RSPH3: variants seen among roughly 807,000 people sequenced by gnomAD.
The protein encoded by RSPH3 is radial spoke head 3.
Under a neutral mutation model 43.8 loss-of-function variants are expected in RSPH3, and 21 were observed. The ratio of observed to expected loss-of-function variants is 0.48; its 90% confidence interval spans 0.34 to 0.69. RSPH3 has a LOEUF of 0.69. Among genes scored for constraint, RSPH3 ranks in the 30% least tolerant of loss-of-function variants. RSPH3 has a pLI of 0.01. For synonymous variants in RSPH3, 173 were observed against 179.8 expected, an observed-to-expected ratio of 0.96 and a Z score of 0.30; for missense variants, 487 against 516.0, an observed-to-expected ratio of 0.94 and a Z score of 0.54.
At chr6:158,991,284 T>C (rs1185237388) in intron 2 of RSPH3, among the ~76,000 whole-genome samples, 2 of 152,238 alleles carry the variant, frequency 1.3e-5, no homozygotes, top group Admixed American at 6.5e-5. Context: ...TTTTTGTTTG[T>C]ATCCTGGCTA....
rs1009950426 is a variant in RSPH3 at position 158,975,215 on chromosome 6, A to G, written c.*2323T>C. On this transcript the variant is annotated 3_prime_UTR_variant, in exon 8 of 8. Transcript: ENST00000367069. Reference sequence around the variant, plus strand: ...ACAATAATAATCAGCAATAGCCCTAATTAAAAATTTTTGGTCTTCTTGCCA... The same window carrying G: ...ACAATAATAATCAGCAATAGCCCTAGTTAAAAATTTTTGGTCTTCTTGCCA... 5.9e-5 allele frequency: 9 copies of G among 152,208 alleles called. No individual in the cohort carries two copies. The highest frequency in any genetic ancestry group is 5.2e-4 in the Admixed American group (8 of 15,284). The allele number at this position is 152,208 out of a possible 1,614,324, so 9.4% of individuals were successfully genotyped here.
At position 158,975,744 on chromosome 6, in the gene RSPH3, A is replaced by G. The variant is rs920665970; in HGVS notation, c.*1794T>C. ...GGCCTAAGTGTTATAGTGAAATACT[A>G]TATGGGAAAATGGGTGCATTCTTTT... On this transcript the variant is annotated 3_prime_UTR_variant, in exon 8 of 8. Transcript: ENST00000367069. The G allele has an allele frequency of 3.9e-5, 6 of 152,232 alleles. No individual in the cohort carries two copies. Among genetic ancestry groups the G allele is most frequent in the African/African-American group, 1.4e-4 (6 of 41,460 alleles). 9.4% of individuals were successfully genotyped at this position (152,232 alleles called of 1,614,324 possible). A position where few individuals can be genotyped will look rare whatever the true frequency, so the allele number is the denominator to read the frequency against.
rs773828163 is a variant in RSPH3 at position 158,986,294 on chromosome 6, A to C, written c.332T>G (p.Val111Gly). 1 of 1,613,910 alleles carries C rather than the reference A, an allele frequency of 6.2e-7. No individual in the cohort carries two copies. Among genetic ancestry groups the C allele is most frequent in the African/African-American group, 1.3e-5 (1 of 74,926 alleles). Residue 111 changes from valine (V) to glycine (G), a missense_variant, in exon 3 of 8, where the codon GTC becomes GGC. By Grantham distance (109) the Val-to-Gly change is moderately radical. Coordinates refer to ENST00000367069, the MANE Select transcript of RSPH3 (RefSeq NM_031924.8). ...TPEPVEGRKH[V>G]DVQTELYLEE... The stretch of plus-strand genomic sequence containing the variant: ...CAGTCACACACCTGTTTGCACATCG[A>C]CATGCTTTCTGCCTTCCACAGGTTC...
intron 2 of RSPH3, among the ~76,000 whole-genome samples, chr6:158,993,015 T>C (rs1322945422): frequency 1.3e-5 from 2 of 152,216 alleles, no homozygotes; most frequent in African/African-American, 4.8e-5. Flanking sequence ...CTGGCTAGTG[T>C]CTATAAACTA....
At chr6:158,980,618 TCATTAA>T (rs1332738106) in intron 6 of RSPH3, among the ~76,000 whole-genome samples, 150 bp downstream of exon 6, 2 of 152,158 alleles carry the variant, frequency 1.3e-5, no homozygotes, top group Non-Finnish European at 2.9e-5. Context: ...AATATACATC[TCATTAA>T]CAACTGTACT....
Position 158,999,770 on chromosome 6 carries a change from G to A in RSPH3, c.-220C>T. On this transcript the variant is annotated 5_prime_UTR_variant, in exon 1 of 8. Coordinates refer to ENST00000367069, the MANE Select transcript of RSPH3 (RefSeq NM_031924.8). ...TCCCAGCACCACAGAGACCAGCTGC[G>A]GGGGCCGCATCGGTTGCCCAGCAAC... 6.2e-7 allele frequency: 1 copy of A among 1,610,970 alleles called. No homozygotes were observed. The highest frequency in any genetic ancestry group is 8.5e-7 in the Non-Finnish European group (1 of 1,177,868).
At chr6:158,963,404 C>CTCCCCCCTCCT in the RSPH3 span, among the ~76,000 whole-genome samples, 1 of 113,838 alleles carries the variant, frequency 8.8e-6, no homozygotes, top group African/African-American at 3.3e-5. Context: ...CCCTCCCTCC[C>CTCCCCCCTCCT]TCCCCCCTCC....
chr6:158,983,853 GC>G, intron 3 of RSPH3, 46 bp from the exon 4 acceptor site: 1 of 1,388,728 alleles, frequency 7.2e-7, no homozygotes, highest in Non-Finnish European at 1.0e-6. Flanking sequence ...CTGGTCTAAG[GC>G]CAGGCATGGT....
intron 5 of RSPH3, 139 bp downstream of exon 5, chr6:158,982,346 G>C: frequency 1.7e-6 from 1 of 579,862 alleles, no homozygotes; most frequent in Non-Finnish European, 2.9e-6. Flanking sequence ...GGAGAGACTT[G>C]AGCAAAAATA....
In RSPH3 at chr6:158,999,956, C is replaced by T. The variant is rs376047207; in HGVS notation, c.-406G>A. Reference sequence around the variant, plus strand: ...CGAGGTTCCTGGCTAGGGAGGCGGCCTTGGCTGGCTTGACCGTCATCCTTG... The same window carrying T: ...CGAGGTTCCTGGCTAGGGAGGCGGCTTTGGCTGGCTTGACCGTCATCCTTG... On this transcript the variant is annotated 5_prime_UTR_variant, in exon 1 of 8. Coordinates refer to ENST00000367069, the MANE Select transcript of RSPH3 (RefSeq NM_031924.8). The T allele has an allele frequency of 1.9e-6, 3 of 1,599,622 alleles. No homozygotes were observed. The highest frequency in any genetic ancestry group is 1.3e-5 in the African/African-American group (1 of 74,764).
In RSPH3 at chr6:158,978,284, T is replaced by C. The variant is rs1562558175; in HGVS notation, c.922A>G (p.Met308Val). 2.5e-6 allele frequency: 4 copies of C among 1,583,400 alleles called. No individual in the cohort carries two copies. The highest frequency in any genetic ancestry group is 3.5e-6 in the Non-Finnish European group (4 of 1,153,540). Reference protein sequence around the residue: ...NEVEKTMEYSMVGRTVLDMLI... With the variant: ...NEVEKTMEYSVVGRTVLDMLI... ...CTGTCAAGCACTGTTCTTCCCACCA[T>C]GCTATATTCCATGGTTTTTTCAACT... The change falls in exon 7 of 8, where the codon ATG (methionine) becomes GTG (valine). Residue 308 changes from methionine (M) to valine (V), a missense_variant. Physicochemically the swap from Met to Val is conservative, Grantham distance 21. Transcript: ENST00000367069.
the RSPH3 span, among the ~76,000 whole-genome samples, chr6:158,963,473 CTCCCT>C: frequency 1.0e-3 from 128 of 124,880 alleles, no homozygotes; most frequent in Middle Eastern, 4.8e-3. Context: ...CTCCCCTCCT[CTCCCT>C]TCCCTTCCCT....
At chr6:158,993,690 G>T in intron 2 of RSPH3, 149 bp downstream of exon 2, 1 of 510,522 alleles carries the variant, frequency 2.0e-6, no homozygotes, top group Non-Finnish European at 3.4e-6. Context: ...CTATTTGTAT[G>T]TCTTTTTAAA....
intron 2 of RSPH3, among the ~76,000 whole-genome samples, chr6:158,993,452 A>C (rs1209270863): frequency 7.4e-6 from 1 of 134,824 alleles, no homozygotes; most frequent in East Asian, 2.1e-4. Context: ...TTTTTTAGCT[A>C]ATTCTTTTTT....
At chr6:158,969,214 T>G (rs74517735), downstream of RSPH3, among the ~76,000 whole-genome samples, 2,708 of 152,276 alleles carry the variant, frequency 0.018, 34 homozygotes, top group Middle Eastern at 0.024. Context: ...AATGACAAGT[T>G]CTCTCAGTTT....
At chr6:158,963,170 C>A in the RSPH3 span, among the ~76,000 whole-genome samples, 1 of 152,096 alleles carries the variant, frequency 6.6e-6, no homozygotes, top group African/African-American at 2.4e-5. Flanking sequence ...TTCATCATCC[C>A]AATTTTATGG....
intron 1 of RSPH3, among the ~76,000 whole-genome samples, chr6:158,996,938 C>A (rs1188166158): frequency 6.6e-6 from 1 of 152,118 alleles, no homozygotes; most frequent in Non-Finnish European, 1.5e-5. Flanking sequence ...TGGCTTGGCA[C>A]CAGTTCTCGC....
At chr6:158,988,865 A>G (rs1778315874) in intron 2 of RSPH3, among the ~76,000 whole-genome samples, 1 of 152,030 alleles carries the variant, frequency 6.6e-6, no homozygotes, top group African/African-American at 2.4e-5. Flanking sequence ...AAGAGCTCAC[A>G]TCCTGCCATC....
chr6:158,970,828 G>C (rs555814742), downstream of RSPH3, among the ~76,000 whole-genome samples: 105 of 152,316 alleles, frequency 6.9e-4, no homozygotes, highest in African/African-American at 2.5e-3. Context: ...TGGGATTACA[G>C]GCGTGAGAAA....
Sources: allele counts gnomAD v4.1 joint callset (sites outside exome capture counted in the v4.1 genomes callset), GRCh38; gene constraint gnomAD v4.1.1; transcripts MANE v1.5; gene names NCBI Gene and HGNC (gene_info 2026-07-23, HGNC 2026-07-21).